DIAPH2: variants seen among roughly 807,000 people sequenced by gnomAD.
The protein encoded by DIAPH2 is diaphanous related formin 2.
DIAPH2 carries 35 observed loss-of-function variants against 92.7 expected under a neutral mutation model. The ratio of observed to expected loss-of-function variants is 0.38; its 90% CI spans 0.29 to 0.50. The LOEUF is 0.50. Among genes scored for constraint, DIAPH2 ranks in the 20% least tolerant of loss-of-function variants. DIAPH2 has a pLI of 0.94. For synonymous variants in DIAPH2, 301 were observed against 280.4 expected, an observed-to-expected ratio of 1.07 and a Z score of -0.73; for missense variants, 701 against 819.5, an observed-to-expected ratio of 0.86 and a Z score of 1.77.
In DIAPH2 at chrX:97,379,601, T is replaced by C. The variant is rs1482444730; in HGVS notation, c.3010-4308T>C. Among the ~76,000 whole-genome samples, 43 of 112,190 alleles carry C rather than the reference T, an allele frequency of 3.8e-4. No homozygotes were observed. The Admixed American group carries it at 4.1e-3, about 11-fold the overall frequency. Reference sequence around the variant, plus strand: ...TTAGGATAAGTGATGGAGCTTTGATTTGAAACCAGATTTTTCTGATTCCAG... The same window carrying C: ...TTAGGATAAGTGATGGAGCTTTGATCTGAAACCAGATTTTTCTGATTCCAG... On this transcript the variant is annotated intron_variant, in intron 24 of 26. Transcript: ENST00000324765.
In DIAPH2 at chrX:96,880,432, T is replaced by C. The variant is rs370968392; in HGVS notation, c.448-1147T>C. On this transcript the variant is annotated intron_variant, in intron 4 of 26. Coordinates refer to ENST00000324765, the MANE Select transcript of DIAPH2 (RefSeq NM_006729.5). ...TTAAGAATGATTAACACTTTCTACA[T>C]TGAGGAGGCATTCTCAATAAAAACC... Among the ~76,000 whole-genome samples the C allele has an allele frequency of 8.0e-5, 9 of 111,917 alleles. No homozygotes were observed. In the East Asian group the frequency reaches 2.5e-3, roughly 31 times the overall value.
At chrX:97,174,972 A>G (rs776416388) in intron 22 of DIAPH2, among the ~76,000 whole-genome samples, 272 of 111,602 alleles carry the variant, frequency 2.4e-3, no homozygotes, top group African/African-American at 8.4e-3. Flanking sequence ...ATGCATTTCT[A>G]TAAGGAAGGA....
rs1363423677 is a variant in DIAPH2, at chrX:97,298,400, C to T, written c.2845-49716C>T. Among the ~76,000 whole-genome samples, 3 of 107,519 alleles carry T rather than the reference C, an allele frequency of 2.8e-5. No homozygotes were observed. In the Admixed American group the frequency reaches 3.1e-4, roughly 11 times the overall value. The allele number at this position is 107,519 out of a possible 115,157, so 93.4% of individuals were successfully genotyped here. On this transcript the variant is annotated intron_variant, in intron 23 of 26. Transcript: ENST00000324765. ...AATCTACTCTATGATAAGTGCAACA[C>T]AGCTTATCTAATGCTACTTAAATTG...
At chrX:97,046,544 G>A (rs184649850) in intron 17 of DIAPH2, among the ~76,000 whole-genome samples, 3 of 111,706 alleles carry the variant, frequency 2.7e-5, no homozygotes, top group Non-Finnish European at 3.8e-5. Context: ...AGTAATTATC[G>A]GTATAGTGTT....
intron 26 of DIAPH2, among the ~76,000 whole-genome samples, chrX:97,454,864 AAAAATT>A (rs1351446545): frequency 1.8e-5 from 2 of 111,209 alleles, no homozygotes; most frequent in Admixed American, 9.6e-5. Context: ...AAAAAAAAAA[AAAAATT>A]AAAATTAAAT....
chrX:97,287,318 A>T (rs918867840), intron 23 of DIAPH2, among the ~76,000 whole-genome samples: 1 of 110,531 alleles, frequency 9.0e-6, no homozygotes, highest in Non-Finnish European at 1.9e-5. Flanking sequence ...AAAAAAAAAA[A>T]TTTGTTTTGG....
Position 97,247,774 on chromosome X carries a change from G to C in DIAPH2, c.2779G>C (p.Glu927Gln). Residue 927 changes from glutamate to glutamine, a missense_variant, in exon 23 of 27, where the codon GAA becomes CAA. Around this residue, in one of 3 missense-constraint regions of DIAPH2, gnomAD observed 536 missense variants for 599.3 expected, o/e 0.89. Coordinates refer to ENST00000324765, the MANE Select transcript of DIAPH2 (RefSeq NM_006729.5). ...AATGGAACAACAAATTGTTCATCTG[G>C]AACGTGACATCAAGAAATTCCCCCA... ...ASMEQQIVHLERDIKKFPQAE... is the reference protein window; with the variant it reads ...ASMEQQIVHLQRDIKKFPQAE... The C allele has an allele frequency of 8.3e-7, 1 of 1,206,093 alleles. No homozygotes were observed.
intron 4 of DIAPH2, among the ~76,000 whole-genome samples, chrX:96,818,221 A>G (rs1686767): frequency 0.49 from 47,424 of 97,466 alleles, 10,552 homozygotes; most frequent in African/African-American, 0.76. Flanking sequence ...CCTTGTGATC[A>G]GCCCACCTCG....
chrX:97,002,082 C>T (rs1166048825), intron 17 of DIAPH2, among the ~76,000 whole-genome samples: 3 of 110,763 alleles, frequency 2.7e-5, no homozygotes, highest in African/African-American at 9.8e-5. Context: ...GTATATTAGT[C>T]TCAGTGGCTG....
chrX:96,712,188 G>C (rs1480796213), intron 1 of DIAPH2, among the ~76,000 whole-genome samples: 2 of 110,656 alleles, frequency 1.8e-5, no homozygotes, highest in East Asian at 5.6e-4. Flanking sequence ...TGTTTCATTT[G>C]ACTTCATCAC....
chrX:96,777,806 A>G (rs946074825), intron 4 of DIAPH2, among the ~76,000 whole-genome samples: 11 of 111,748 alleles, frequency 9.8e-5, no homozygotes, highest in Non-Finnish European at 1.7e-4. Flanking sequence ...TTAAAACAAG[A>G]TTGATATTTT....
intron 22 of DIAPH2, among the ~76,000 whole-genome samples, chrX:97,188,889 G>A (rs1311007892): frequency 8.9e-6 from 1 of 112,127 alleles, no homozygotes; most frequent in Non-Finnish European, 1.9e-5. Flanking sequence ...AAATGTTTGT[G>A]GCTTTTGCAT....
intron 26 of DIAPH2, among the ~76,000 whole-genome samples, chrX:97,556,595 G>A (rs2071258985): frequency 9.0e-6 from 1 of 111,323 alleles, no homozygotes; most frequent in Non-Finnish European, 1.9e-5. Context: ...TACCCCCATT[G>A]TCACATGGCC....
At chrX:96,980,998 C>CAA (rs1204120424) in intron 17 of DIAPH2, among the ~76,000 whole-genome samples, 1,122 of 45,452 alleles carry the variant, frequency 0.025, 60 homozygotes, top group African/African-American at 0.099. Context: ...CCATCTCTAC[C>CAA]AAAAAAAAAA....
intron 26 of DIAPH2, among the ~76,000 whole-genome samples, chrX:97,432,623 ACTACAG>A (rs1447667418): frequency 3.6e-5 from 4 of 111,464 alleles, no homozygotes; most frequent in Non-Finnish European, 5.6e-5. Flanking sequence ...AGTATCTGGG[ACTACAG>A]GTGCCCGCCA....
At chrX:97,046,197 G>A (rs775667313) in intron 17 of DIAPH2, among the ~76,000 whole-genome samples, 6 of 107,875 alleles carry the variant, frequency 5.6e-5, no homozygotes, top group African/African-American at 2.0e-4. Flanking sequence ...AAATATGGAA[G>A]CATCTTTGAA....
intron 4 of DIAPH2, among the ~76,000 whole-genome samples, chrX:96,851,426 A>T (rs933183545): frequency 7.2e-5 from 8 of 111,846 alleles, no homozygotes; most frequent in African/African-American, 2.6e-4. Context: ...TTAGATGTAC[A>T]GTTGTCCTTA....
chrX:97,518,481 C>CAT (rs1442342510), intron 26 of DIAPH2, among the ~76,000 whole-genome samples: 5 of 108,600 alleles, frequency 4.6e-5, no homozygotes, highest in African/African-American at 1.7e-4. Flanking sequence ...CTTCTAATAG[C>CAT]ATATATATAT....
chrX:97,214,644 C>G (rs972039537), intron 22 of DIAPH2, among the ~76,000 whole-genome samples: 1 of 108,541 alleles, frequency 9.2e-6, no homozygotes, highest in Admixed American at 1.0e-4. Flanking sequence ...CCAACCTGAC[C>G]AACATGGAGA....
Sources: gnomAD v4.1 joint callset for allele counts (sites outside exome capture counted in the v4.1 genomes callset) on GRCh38, gnomAD v4.1.1 for gene constraint, gnomAD v4.1.1 regional missense constraint, MANE v1.5 for transcripts, NCBI Gene and HGNC (gene_info 2026-07-23, HGNC 2026-07-21) for gene names.